The following BCAR3 variants were observed in gnomAD, a reference collection of about 807,000 sequenced individuals.
BCAR3 encodes the protein BCAR3 adaptor protein, NSP family member.
Under a neutral mutation model 80.1 loss-of-function variants are expected in BCAR3, and 37 were observed. The ratio of observed to expected loss-of-function variants is 0.46; its 90% confidence interval spans 0.36 to 0.61. The LOEUF is 0.61. Among genes scored for constraint, BCAR3 ranks in the 20% least tolerant of loss-of-function variants. The pLI is 0.00. For synonymous variants in BCAR3, 389 were observed against 418.9 expected, an observed-to-expected ratio of 0.93 and a Z score of 0.87; for missense variants, 978 against 1,068.2, an observed-to-expected ratio of 0.92 and a Z score of 1.18.
At chr1:93,816,623 G>T (rs953052325) in intron 2 of BCAR3, among the ~76,000 whole-genome samples, 1 of 134,042 alleles carries the variant, frequency 7.5e-6, no homozygotes, top group African/African-American at 3.0e-5. Flanking sequence ...GTGAGCCAAG[G>T]TTGCACCACT....
At chr1:93,661,405 C>G (rs1012431014) in intron 2 of BCAR3, among the ~76,000 whole-genome samples, 1 of 152,088 alleles carries the variant, frequency 6.6e-6, no homozygotes, top group Middle Eastern at 3.4e-3. Flanking sequence ...TGGTCTCGAA[C>G]TCCTGACCTC....
At position 93,674,633 on chromosome 1, in the gene BCAR3, C is replaced by G; in HGVS notation, c.298G>C (p.Gly100Arg). 6.2e-7 allele frequency: 1 copy of G among 1,612,978 alleles called. No homozygotes were observed. Among genetic ancestry groups the G allele is most frequent in the Non-Finnish European group, 8.5e-7 (1 of 1,179,740 alleles). Residue 100 changes from glycine (G) to arginine (R), a missense_variant, in exon 2 of 12, where the codon GGC (glycine) becomes CGC (arginine). Coordinates refer to ENST00000260502, the MANE Select transcript of BCAR3 (RefSeq NM_003567.4). ...IQESPWQDRH[G>R]ETFTFRDPHL... The stretch of plus-strand genomic sequence containing the variant: ...AGTTACCTGAAGGTGAAGGTTTCGC[C>G]GTGCCGGTCCTGCCATGGGCTCTCC...
chr1:93,783,881 C>T (rs1380881893), intron 2 of BCAR3, among the ~76,000 whole-genome samples: 1 of 152,176 alleles, frequency 6.6e-6, no homozygotes, highest in African/African-American at 2.4e-5. Flanking sequence ...TTTGGGACTG[C>T]TTCAATTAAT....
chr1:93,830,421 C>T (rs1038473038), intron 2 of BCAR3, among the ~76,000 whole-genome samples: 18 of 152,254 alleles, frequency 1.2e-4, no homozygotes, highest in Admixed American at 7.2e-4. Context: ...TGAAAATGGC[C>T]GGTTCCTGCC....
intron 2 of BCAR3, among the ~76,000 whole-genome samples, chr1:93,843,714 C>T (rs1655044482): frequency 6.6e-6 from 1 of 152,190 alleles, no homozygotes; most frequent in African/African-American, 2.4e-5. Context: ...TAGGAATGCC[C>T]AGTCACATTA....
At chr1:93,589,885 A>T (rs548106951) in intron 4 of BCAR3, among the ~76,000 whole-genome samples, 1 of 152,348 alleles carries the variant, frequency 6.6e-6, no homozygotes, top group South Asian at 2.1e-4. Flanking sequence ...GACCTGAATG[A>T]TGTAATGAAA....
At chr1:93,728,987 G>C (rs549033180) in intron 2 of BCAR3, among the ~76,000 whole-genome samples, 1 of 152,050 alleles carries the variant, frequency 6.6e-6, no homozygotes, top group Non-Finnish European at 1.5e-5. Flanking sequence ...TTCCCTTCCC[G>C]GCTTCCCTAT....
intron 2 of BCAR3, among the ~76,000 whole-genome samples, chr1:93,711,083 TAAGA>T (rs931095259): frequency 6.6e-6 from 1 of 152,120 alleles, no homozygotes; most frequent in Non-Finnish European, 1.5e-5. Flanking sequence ...GAATGAATGA[TAAGA>T]AAGAGAGAGA....
At chr1:93,706,716 G>A (rs539512960) in intron 2 of BCAR3, among the ~76,000 whole-genome samples, 4 of 152,244 alleles carry the variant, frequency 2.6e-5, no homozygotes, top group African/African-American at 9.6e-5. Context: ...ACTATGCCTG[G>A]CACATAGTAA....
intron 3 of BCAR3, among the ~76,000 whole-genome samples, chr1:93,607,504 A>G (rs1674807737): frequency 6.6e-6 from 1 of 151,926 alleles, no homozygotes; most frequent in African/African-American, 2.4e-5. Context: ...GGCATGAGTT[A>G]GGGGGATGCT....
intron 3 of BCAR3, among the ~76,000 whole-genome samples, chr1:93,704,349 G>A (rs1649756200): frequency 6.6e-6 from 1 of 152,168 alleles, no homozygotes; most frequent in Non-Finnish European, 1.5e-5. Context: ...GGGGAAAGTA[G>A]AGACGATGAG....
chr1:93,565,211 C>G (rs938780340), intron 11 of BCAR3, among the ~76,000 whole-genome samples: 14 of 151,982 alleles, frequency 9.2e-5, no homozygotes, highest in African/African-American at 3.1e-4. Flanking sequence ...TCAAGTATTC[C>G]CTCTCAAAAT....
At chr1:93,766,561 G>A (rs61781055) in intron 2 of BCAR3, among the ~76,000 whole-genome samples, 12,959 of 152,234 alleles carry the variant, frequency 0.085, 644 homozygotes, top group African/African-American at 0.12. Context: ...GCTGACTGCC[G>A]TCCAGAGCCG....
rs113014015 is a variant in BCAR3 at position 93,568,336 on chromosome 1, G to A, written c.1975-485C>T. Reference sequence around the variant, plus strand: ...CCGCCCCATCTGCATTGCTGTTAGCGCATCCCAGAGATGGCAACTCTCTTC... The same window carrying A: ...CCGCCCCATCTGCATTGCTGTTAGCACATCCCAGAGATGGCAACTCTCTTC... On this transcript the variant is annotated intron_variant, in intron 9 of 11. Coordinates refer to ENST00000260502, the MANE Select transcript of BCAR3 (RefSeq NM_003567.4). Among the ~76,000 whole-genome samples, 743 of 152,244 alleles carry A rather than the reference G, an allele frequency of 4.9e-3. 6 individuals carry two copies. The highest frequency in any genetic ancestry group is 0.016 in the African/African-American group (668 of 41,556).
At chr1:93,643,859 T>C (rs1676074382) in intron 2 of BCAR3, among the ~76,000 whole-genome samples, 1 of 152,184 alleles carries the variant, frequency 6.6e-6, no homozygotes, top group African/African-American at 2.4e-5. Flanking sequence ...TTTAGTAACC[T>C]TTTAAATATT....
chr1:93,634,189 G>A (rs1278929717), intron 3 of BCAR3, among the ~76,000 whole-genome samples: 3 of 152,078 alleles, frequency 2.0e-5, no homozygotes, highest in East Asian at 1.9e-4. Flanking sequence ...TTTAGAGTAC[G>A]TAGCCTTTGA....
chr1:93,836,219 A>C (rs1654762013), intron 2 of BCAR3, among the ~76,000 whole-genome samples: 1 of 152,144 alleles, frequency 6.6e-6, no homozygotes, highest in Admixed American at 6.6e-5. Flanking sequence ...ATTAGGCCCC[A>C]GTCTCATTTC....
intron 3 of BCAR3, among the ~76,000 whole-genome samples, chr1:93,620,382 G>C (rs1159353166): frequency 6.6e-6 from 1 of 152,162 alleles, no homozygotes; most frequent in Non-Finnish European, 1.5e-5. Flanking sequence ...GTCATGTTAG[G>C]AGTTGTTTAA....
At chr1:93,583,556 C>A (rs1174496122) in intron 6 of BCAR3, among the ~76,000 whole-genome samples, 1 of 152,206 alleles carries the variant, frequency 6.6e-6, no homozygotes, top group African/African-American at 2.4e-5. Context: ...TACCTTATCA[C>A]TCTTCCAGCC....
Sources: allele counts gnomAD v4.1 joint callset (sites outside exome capture counted in the v4.1 genomes callset), GRCh38; gene constraint gnomAD v4.1.1; transcripts MANE v1.5; gene names NCBI Gene and HGNC (gene_info 2026-07-23, HGNC 2026-07-21).